CYB561A3: variants seen among roughly 807,000 people sequenced by gnomAD.
CYB561A3 encodes the protein cytochrome b561 family member A3.
Under a neutral mutation model 25.3 loss-of-function variants are expected in CYB561A3, and 16 were observed. The observed-to-expected ratio is 0.63, with a 90% CI of 0.43 to 0.96. The LOEUF (loss-of-function observed/expected upper bound fraction) is 0.96, where lower values mean the gene tolerates loss of function less well. Ranked by LOEUF, CYB561A3 falls within the 40% of genes least tolerant of loss-of-function variation. CYB561A3 has a pLI of 0.00. For missense variants in CYB561A3, 219 were observed against 307.5 expected (o/e 0.71, Z 2.15); for synonymous variants, 131 against 129.9 (o/e 1.01, Z -0.06).
At chr11:61,351,284 CTTTTTTT>C (rs909648792) in intron 5 of CYB561A3, 137 bp from the exon 6 acceptor site, 91 of 293,360 alleles carry the variant, frequency 3.1e-4, no homozygotes, top group Middle Eastern at 1.3e-3. Flanking sequence ...AACACCCTTT[CTTTTTTT>C]TTTTTTTTTT....
chr11:61,348,953 A>G lies in CYB561A3; in HGVS notation c.*1446T>C, dbSNP rs1024048784. The G allele has an allele frequency of 6.4e-6, 1 of 155,410 alleles. No homozygotes were observed. Among genetic ancestry groups the G allele is most frequent in the Non-Finnish European group, 1.4e-5 (1 of 69,786 alleles). The allele number at this position is 155,410 out of a possible 1,614,324, so 9.6% of individuals were successfully genotyped here. On this transcript the variant is annotated 3_prime_UTR_variant, in exon 7 of 7. Transcript: ENST00000294072. ...GCTCCAGCCAGTCAAGACGGTCAATATTAGCCCTTCTGCCAACATCTGGCA... is the reference window on the plus strand; with the variant it reads ...GCTCCAGCCAGTCAAGACGGTCAATGTTAGCCCTTCTGCCAACATCTGGCA...
At chr11:61,353,177 G>A in intron 4 of CYB561A3, 38 bp from the exon 5 acceptor site, 1 of 1,554,594 alleles carries the variant, frequency 6.4e-7, no homozygotes, top group South Asian at 1.2e-5. Context: ...ACTGTGCTAT[G>A]TGTGACCAAA....
intron 2 of CYB561A3, chr11:61,356,959 G>T (rs1315182430): frequency 5.4e-5 from 78 of 1,455,408 alleles, no homozygotes; most frequent in Admixed American, 1.1e-4. Flanking sequence ...TGCCCAGACA[G>T]AGCAGCAAAC....
At position 61,349,575 on chromosome 11, in the gene CYB561A3, C is replaced by T. The variant is rs1321009555; in HGVS notation, c.*824G>A. Reference sequence around the variant, plus strand: ...GAGCAGGTCACCAGGATTTGTAGGGCTGCCTGCCGGTGACAGACACGTAAG... The same window carrying T: ...GAGCAGGTCACCAGGATTTGTAGGGTTGCCTGCCGGTGACAGACACGTAAG... On this transcript the variant is annotated 3_prime_UTR_variant, in exon 7 of 7. Coordinates refer to ENST00000294072, the MANE Select transcript of CYB561A3 (RefSeq NM_153611.6). 2 of 702,874 alleles carry T rather than the reference C, an allele frequency of 2.8e-6. No homozygotes were observed. Among genetic ancestry groups the T allele is most frequent in the Non-Finnish European group, 5.2e-6 (2 of 384,998 alleles). The allele number at this position is 702,874 out of a possible 1,614,324, so 43.5% of individuals were successfully genotyped here.
chr11:61,356,362 T>G, intron 3 of CYB561A3, 168 bp downstream of exon 3: 514 of 776,644 alleles, frequency 6.6e-4, no homozygotes, highest in East Asian at 1.3e-3. Context: ...ATGCCCCCCA[T>G]CTTAACCCCT....
chr11:61,350,729 C>T (rs1351042999), intron 6 of CYB561A3: 2 of 595,506 alleles, frequency 3.4e-6, no homozygotes, highest in Non-Finnish European at 5.8e-6. Flanking sequence ...GATAAGGCCA[C>T]ACTTCACCCC....
At chr11:61,357,253 G>A in intron 2 of CYB561A3, 1 of 1,550,624 alleles carries the variant, frequency 6.4e-7, no homozygotes, top group East Asian at 2.4e-5. Flanking sequence ...TAAGCTCTAT[G>A]GGGCTAATCT....
rs1565070501 is a variant in CYB561A3 at position 61,356,652 on chromosome 11, A to G, written c.62T>C (p.Ile21Thr). The change falls in exon 3 of 7, where the codon ATC (isoleucine) becomes ACC (threonine). Residue 21 changes from isoleucine (I) to threonine (T), a missense_variant. Physicochemically the swap from Ile to Thr is moderately conservative, Grantham distance 89. Transcript: ENST00000294072. ...CTGCATCCAGTAGATAGTGAAGAGG[A>G]TGCACATAGAGCCCAGGGACCCCAG... ...LLLGSLGSMCILFTIYWMQYW... is the reference protein window; with the variant it reads ...LLLGSLGSMCTLFTIYWMQYW... 27 of 1,614,214 alleles carry G rather than the reference A, an allele frequency of 1.7e-5. No homozygotes were observed. The highest frequency in any genetic ancestry group is 2.3e-5 in the Non-Finnish European group (27 of 1,180,032).
intron 2 of CYB561A3, 163 bp from the exon 3 acceptor site, chr11:61,356,891 C>G: frequency 6.9e-7 from 1 of 1,444,744 alleles, no homozygotes; most frequent in East Asian, 2.5e-5. Flanking sequence ...GGCCTCAATG[C>G]CTGGGTGGGC....
At position 61,349,194 on chromosome 11, in the gene CYB561A3, T is replaced by A. The variant is rs895281928; in HGVS notation, c.*1205A>T. The A allele has an allele frequency of 2.0e-5, 5 of 247,224 alleles. No homozygotes were observed. The highest frequency in any genetic ancestry group is 3.3e-5 in the Non-Finnish European group (4 of 120,520). 15.3% of individuals were successfully genotyped at this position (247,224 alleles called of 1,614,324 possible). A position where few individuals can be genotyped will look rare whatever the true frequency, so the allele number is the denominator to read the frequency against. ...CCTTCCCGCTCTCCACCCTATTTCC[T>A]CCCCTGAAGAAGAGCAACAGCTCAA... On this transcript the variant is annotated 3_prime_UTR_variant, in exon 7 of 7. Transcript: ENST00000294072.
intron 4 of CYB561A3, 192 bp downstream of exon 4, chr11:61,353,592 T>C: frequency 9.4e-6 from 7 of 742,284 alleles, no homozygotes; most frequent in Non-Finnish European, 1.7e-5. Flanking sequence ...ATGGGAGGGA[T>C]AAAAGGAACA....
intron 5 of CYB561A3, chr11:61,352,719 A>C: frequency 3.0e-6 from 3 of 1,001,624 alleles, no homozygotes; most frequent in African/African-American, 1.6e-5. Flanking sequence ...CCAATGATGT[A>C]GGGTGGTTGA....
chr11:61,353,781 C>A lies in CYB561A3; in HGVS notation c.393+3G>T, dbSNP rs764970388. 1 of 1,614,088 alleles carries A rather than the reference C, an allele frequency of 6.2e-7. No homozygotes were observed. Among genetic ancestry groups the A allele is most frequent in the South Asian group, 1.1e-5 (1 of 91,084 alleles). ...CTCGAGGAGGAGAACAGAGAGAACC[C>A]ACCTGGCAGGCGAAGAGGAAGACAG... On this transcript the variant is annotated splice_donor_region_variant and intron_variant, in intron 4 of 6. Coordinates refer to ENST00000294072, the MANE Select transcript of CYB561A3 (RefSeq NM_153611.6).
intron 3 of CYB561A3, 82 bp downstream of exon 3, chr11:61,356,448 C>A: frequency 9.1e-7 from 1 of 1,101,692 alleles, no homozygotes; most frequent in Non-Finnish European, 1.3e-6. Flanking sequence ...CCAACATTTA[C>A]AAAGGCCAGC....
chr11:61,353,832 G>A lies in CYB561A3; in HGVS notation c.345C>T (p.Ser115=). 2 of 1,614,210 alleles carry A rather than the reference G, an allele frequency of 1.2e-6. No homozygotes were observed. The highest frequency in any genetic ancestry group is 1.7e-6 in the Non-Finnish European group (2 of 1,180,042). ...TGGTGATGCCCAGCCAGCTGTGAAG[G>A]GAGTAGAGGTTGGCAGTCCTTCCAT... The part of the protein sequence containing the change: ...HNHGRTANLY[S]LHSWLGITTV... Residue 115 remains serine, a synonymous_variant, in exon 4 of 7, where the codon TCC becomes TCT. Transcript: ENST00000294072.
rs897008193 is a variant in CYB561A3 at position 61,350,255 on chromosome 11, G to A, written c.*144C>T. 7.1e-6 allele frequency: 8 copies of A among 1,119,700 alleles called. No individual in the cohort carries two copies. The highest frequency in any genetic ancestry group is 8.9e-6 in the Non-Finnish European group (7 of 786,120). The allele number at this position is 1,119,700 out of a possible 1,614,324, so 69.4% of individuals were successfully genotyped here. ...GGCAGCAAGCGGCCGGAGAGGGCAGGCCAGCACCCAGGCAAGAAGTCTGGG... is the reference window on the plus strand; with the variant it reads ...GGCAGCAAGCGGCCGGAGAGGGCAGACCAGCACCCAGGCAAGAAGTCTGGG... On this transcript the variant is annotated 3_prime_UTR_variant, in exon 7 of 7. Transcript: ENST00000294072.
Position 61,353,984 on chromosome 11 carries a change from C to T in CYB561A3, c.193G>A (p.Val65Met), listed in dbSNP as rs1450773902. 1.2e-6 allele frequency: 2 copies of T among 1,613,994 alleles called. No individual in the cohort carries two copies. Among genetic ancestry groups the T allele is most frequent in the East Asian group, 4.5e-5 (2 of 44,886 alleles). Residue 65 changes from valine to methionine, a missense_variant, in exon 4 of 7, where the codon GTG becomes ATG. Val to Met is a conservative substitution (Grantham distance 21, BLOSUM62 1). Coordinates refer to ENST00000294072, the MANE Select transcript of CYB561A3 (RefSeq NM_153611.6). The part of the protein sequence containing the change: ...MVVFYGGASL[V>M]YRLPQSWVGP... ...ACCCACGACTGGGGCAGGCGGTACA[C>T]CAGTGACGCTGCAGGAGAGAGTAGT... is the stretch of plus-strand genomic sequence containing the variant.
At chr11:61,361,454 C>T (rs1857880414) in intron 1 of CYB561A3, among the ~76,000 whole-genome samples, 1 of 152,150 alleles carries the variant, frequency 6.6e-6, no homozygotes, top group Non-Finnish European at 1.5e-5. Flanking sequence ...GTTCCAGGCA[C>T]CCGAGGGGTG....
intron 6 of CYB561A3, 23 bp from the exon 7 acceptor site, chr11:61,350,445 A>G (rs1396080818): frequency 6.2e-7 from 1 of 1,610,664 alleles, no homozygotes; most frequent in South Asian, 1.1e-5. Flanking sequence ...GCAGATGCCC[A>G]GGAGTTAATG....
Sources: allele counts gnomAD v4.1 joint callset (sites outside exome capture counted in the v4.1 genomes callset), GRCh38; gene constraint gnomAD v4.1.1; transcripts MANE v1.5; gene names NCBI Gene and HGNC (gene_info 2026-07-23, HGNC 2026-07-21).